Variants in PLA2G4E observed in about 807,000 individuals in gnomAD.
PLA2G4E encodes cytosolic phospholipase A2 epsilon.
A neutral mutation model predicts 109.1 loss-of-function variants in PLA2G4E; 84 were observed. The observed-to-expected ratio is 0.77, with a 90% confidence interval of 0.65 to 0.92. PLA2G4E has a LOEUF of 0.92. Ranked by LOEUF, PLA2G4E falls within the 40% of genes least tolerant of loss-of-function variation. PLA2G4E has a pLI of 0.00. For synonymous variants in PLA2G4E, 469 were observed against 436.1 expected (o/e 1.08, Z -0.94); for missense variants, 1,057 against 1,076.6 (o/e 0.98, Z 0.25).
In PLA2G4E at chr15:41,999,381, A is replaced by G. The variant is rs1278585611; in HGVS notation, c.974+143T>C. On this transcript the variant is annotated intron_variant, in intron 10 of 19. Transcript: ENST00000399518. ...GATCTAATAGAAATGTCTCCAAAGA[A>G]GATGATATGCCAGCCAGCCCATGGA... 2.4e-5 allele frequency: 15 copies of G among 629,170 alleles called. No homozygotes were observed. In the East Asian group the frequency reaches 4.2e-4, roughly 17 times the overall value. 39.0% of individuals were successfully genotyped at this position (629,170 alleles called of 1,614,324 possible).
chr15:42,037,905 A>T (rs536397887), intron 1 of PLA2G4E, among the ~76,000 whole-genome samples: 2 of 152,294 alleles, frequency 1.3e-5, no homozygotes, highest in South Asian at 4.1e-4. Context: ...TTGCTGCTCT[A>T]TGCAGTCTCC....
At chr15:42,027,534 T>C (rs2068702773) in intron 1 of PLA2G4E, among the ~76,000 whole-genome samples, 1 of 152,232 alleles carries the variant, frequency 6.6e-6, no homozygotes, top group Non-Finnish European at 1.5e-5. Flanking sequence ...TCCCTGCTTC[T>C]ACTTTTGCCT....
intron 1 of PLA2G4E, among the ~76,000 whole-genome samples, chr15:42,045,291 G>C (rs1409695770): frequency 2.0e-5 from 3 of 152,190 alleles, no homozygotes; most frequent in Non-Finnish European, 4.4e-5. Context: ...CACAGAGTAG[G>C]GCAAGCCCTG....
At chr15:42,044,075 A>G (rs984502565) in intron 1 of PLA2G4E, among the ~76,000 whole-genome samples, 4 of 152,222 alleles carry the variant, frequency 2.6e-5, no homozygotes, top group Admixed American at 2.6e-4. Flanking sequence ...CACCTCCTAA[A>G]TGCTAGGCAC....
At chr15:42,028,417 T>TTATC (rs1889059385) in intron 1 of PLA2G4E, among the ~76,000 whole-genome samples, 1 of 151,722 alleles carries the variant, frequency 6.6e-6, no homozygotes, top group East Asian at 1.9e-4. Context: ...ATTTATTTAT[T>TTATC]ATTTTTTGAG....
chr15:42,001,076 C>T, intron 7 of PLA2G4E, 81 bp downstream of exon 7: 1 of 1,416,086 alleles, frequency 7.1e-7, no homozygotes, highest in Non-Finnish European at 9.9e-7. Flanking sequence ...AAGCCCTGGA[C>T]TAGGTGGAGT....
intron 1 of PLA2G4E, among the ~76,000 whole-genome samples, chr15:42,024,212 A>T (rs1168359044): frequency 6.6e-6 from 1 of 152,212 alleles, no homozygotes; most frequent in African/African-American, 2.4e-5. Context: ...AAACAGTGAC[A>T]TCCCCACGCC....
exon 20 of PLA2G4E, chr15:41,983,807 G>C (rs1406620132): frequency 5.6e-6 from 9 of 1,609,712 alleles, no homozygotes; most frequent in Non-Finnish European, 8.5e-7. Context: ...GCGAGCCGCA[G>C]AGCCTGGAGG....
chr15:41,995,156 T>C (rs1196645244), intron 12 of PLA2G4E, among the ~76,000 whole-genome samples: 2 of 152,270 alleles, frequency 1.3e-5, no homozygotes, highest in South Asian at 2.1e-4. Flanking sequence ...GAGCTACTGT[T>C]ATCCGCACTG....
At chr15:41,984,695 A>G in intron 18 of PLA2G4E, 76 bp from the exon 19 acceptor site, 2 of 1,328,380 alleles carry the variant, frequency 1.5e-6, no homozygotes, top group Non-Finnish European at 2.0e-6. Flanking sequence ...TCTTAGCCCC[A>G]GCTTCCTGAT....
chr15:42,015,607 G>A (rs2068581606), intron 1 of PLA2G4E, among the ~76,000 whole-genome samples: 1 of 152,228 alleles, frequency 6.6e-6, no homozygotes, highest in African/African-American at 2.4e-5. Flanking sequence ...GCTAGATGCT[G>A]GGGGGCCAGG....
At chr15:41,989,634 C>T (rs2068209668) in intron 14 of PLA2G4E, 82 bp from the exon 15 acceptor site, 2 of 1,521,256 alleles carry the variant, frequency 1.3e-6, no homozygotes, top group Non-Finnish European at 1.8e-6. Context: ...TGCCTGCAGC[C>T]ACTGGCTCAG....
intron 15 of PLA2G4E, among the ~76,000 whole-genome samples, 197 bp downstream of exon 15, chr15:41,989,209 TGCTGAGCAG>T (rs762631405): frequency 9.2e-5 from 14 of 152,140 alleles, no homozygotes; most frequent in Non-Finnish European, 1.3e-4. Context: ...CCCAGTGTGG[TGCTGAGCAG>T]GCTGCAGGGA....
chr15:41,990,454 G>T (rs542874273), intron 13 of PLA2G4E, among the ~76,000 whole-genome samples: 1 of 152,108 alleles, frequency 6.6e-6, no homozygotes, highest in Non-Finnish European at 1.5e-5. Context: ...GACAGGGGCC[G>T]GGACTGGATC....
chr15:41,983,942 C>T, exon 20 of PLA2G4E: 1 of 1,610,082 alleles, frequency 6.2e-7, no homozygotes, highest in Non-Finnish European at 8.5e-7. Flanking sequence ...TCCACCTGGC[C>T]CTGCTCCAGC....
intron 14 of PLA2G4E, 32 bp downstream of exon 14, chr15:41,990,089 C>A: frequency 6.3e-7 from 1 of 1,585,688 alleles, no homozygotes; most frequent in Middle Eastern, 2.1e-4. Flanking sequence ...CCCCCTCCAC[C>A]CCACTTGTAA....
In PLA2G4E at chr15:42,013,581, G is replaced by A. The variant is rs538395444; in HGVS notation, c.256+104C>T. On this transcript the variant is annotated intron_variant, in intron 2 of 19. Coordinates refer to ENST00000399518, the Ensembl canonical transcript of PLA2G4E. ...ATACACCATGCACGTGCACACGTGC[G>A]CGCGCACACACACACACGGATCCAC... is the stretch of plus-strand genomic sequence containing the variant. The A allele has an allele frequency of 5.9e-4, 645 of 1,097,510 alleles. 11 individuals are homozygous for A. In the South Asian group the frequency reaches 7.7e-3, roughly 13 times the overall value. The allele number at this position is 1,097,510 out of a possible 1,614,324, so 68.0% of individuals were successfully genotyped here.
chr15:41,999,994 A>C (rs754784066), exon 9 of PLA2G4E: 1 of 1,607,856 alleles, frequency 6.2e-7, no homozygotes, highest in South Asian at 1.1e-5. Flanking sequence ...CGAGAGCGGC[A>C]GCAAAGCTGG....
Position 42,000,019 on chromosome 15 carries a change from T to C in PLA2G4E, c.853-19A>G. 6.3e-7 allele frequency: 1 copy of C among 1,598,768 alleles called. No individual in the cohort carries two copies. Among genetic ancestry groups the C allele is most frequent in the South Asian group, 1.1e-5 (1 of 88,180 alleles). ...AGCAAAGCTGGAGGGATGGGTGGGT[T>C]CTGTGAGAGGGGCTGGGGAGCTCCT... is the stretch of plus-strand genomic sequence containing the variant. On this transcript the variant is annotated intron_variant, in intron 8 of 19. Transcript: ENST00000399518.
Sources: gnomAD v4.1 joint callset for allele counts (sites outside exome capture counted in the v4.1 genomes callset) on GRCh38, gnomAD v4.1.1 for gene constraint, MANE v1.5 for transcripts, NCBI Gene and HGNC (gene_info 2026-07-23, HGNC 2026-07-21) for gene names.